Variants in ADCYAP1R1 observed in about 807,000 individuals in gnomAD.
ADCYAP1R1 encodes pituitary adenylate cyclase-activating polypeptide type I receptor.
In ADCYAP1R1, 44 loss-of-function variants were observed where a neutral mutation model predicts 67.6. The observed-to-expected ratio is 0.65, with a 90% CI of 0.51 to 0.84. The LOEUF (loss-of-function observed/expected upper bound fraction) is 0.84. Among genes scored for constraint, ADCYAP1R1 ranks in the 40% least tolerant of loss-of-function variants. The pLI is 0.00. For synonymous variants in ADCYAP1R1, 222 were observed against 219.6 expected, an observed-to-expected ratio of 1.01 and a Z score of -0.10; for missense variants, 477 against 587.9, an observed-to-expected ratio of 0.81 and a Z score of 1.95.
intron 4 of ADCYAP1R1, among the ~76,000 whole-genome samples, chr7:31,079,272 G>A (rs1303476701): frequency 6.6e-6 from 1 of 152,214 alleles, no homozygotes; most frequent in Non-Finnish European, 1.5e-5. Context: ...GAGTGTCACA[G>A]GAGGCAGGGT....
At chr7:31,077,179 C>T (rs1355648033) in intron 3 of ADCYAP1R1, among the ~76,000 whole-genome samples, 4 of 152,242 alleles carry the variant, frequency 2.6e-5, no homozygotes, top group African/African-American at 9.6e-5. Flanking sequence ...CTCCCGGCCC[C>T]CTGCAAGGGC....
Position 31,065,730 on chromosome 7 carries a change from G to A in ADCYAP1R1, c.157+794G>A, listed in dbSNP as rs567044535. 7.9e-5 allele frequency among the ~76,000 whole-genome samples: 12 copies of A among 152,248 alleles called. No homozygotes were observed. In the South Asian group the frequency reaches 1.9e-3, roughly 24 times the overall value. On this transcript the variant is annotated intron_variant, in intron 3 of 15. Transcript: ENST00000304166. ...GGGAAGTTGGGGATTTAGGGGAGGG[G>A]GCATCACAGAGGCCTCTCCAACCTC...
intron 12 of ADCYAP1R1, among the ~76,000 whole-genome samples, chr7:31,088,324 T>C (rs1212842340): frequency 6.6e-6 from 1 of 152,260 alleles, no homozygotes; most frequent in Non-Finnish European, 1.5e-5. Context: ...ATGTTGTGTA[T>C]GTTGCAAGTA....
chr7:31,065,865 C>T lies in ADCYAP1R1; in HGVS notation c.157+929C>T, dbSNP rs553552639. Among the ~76,000 whole-genome samples, 3 of 152,342 alleles carry T rather than the reference C, an allele frequency of 2.0e-5. No homozygotes were observed. The East Asian group carries it at 5.8e-4, about 29-fold the overall frequency. ...TCTGGATCCTCCTGGCTCCTCTGAG[C>T]ACCATGTATTTAAGCACTTGACTAA... is the stretch of plus-strand genomic sequence containing the variant. On this transcript the variant is annotated intron_variant, in intron 3 of 15. Coordinates refer to ENST00000304166, the MANE Select transcript of ADCYAP1R1 (RefSeq NM_001118.5).
At chr7:31,097,296 G>A (rs746338739) in intron 13 of ADCYAP1R1, among the ~76,000 whole-genome samples, 3 of 152,180 alleles carry the variant, frequency 2.0e-5, no homozygotes, top group Admixed American at 6.5e-5. Context: ...AGAATTTACC[G>A]CATCAGTCAG....
At chr7:31,084,066 A>G (rs1795630943) in intron 6 of ADCYAP1R1, 75 bp from the exon 7 acceptor site, 1 of 1,294,724 alleles carries the variant, frequency 7.7e-7, no homozygotes, top group East Asian at 2.3e-5. Context: ...CCCACTGAAT[A>G]CGTAATTTTT....
At chr7:31,099,722 G>A (rs541215960) in intron 13 of ADCYAP1R1, among the ~76,000 whole-genome samples, 2 of 152,238 alleles carry the variant, frequency 1.3e-5, no homozygotes, top group Non-Finnish European at 2.9e-5. Context: ...AAGATCGGCA[G>A]TGTGAGTTTC....
chr7:31,078,713 G>A (rs1795387914), intron 4 of ADCYAP1R1, among the ~76,000 whole-genome samples: 1 of 152,220 alleles, frequency 6.6e-6, no homozygotes, highest in Admixed American at 6.5e-5. Context: ...GCTCAGCAGA[G>A]CATTTTCTGG....
At chr7:31,076,288 G>A (rs370882515) in intron 3 of ADCYAP1R1, among the ~76,000 whole-genome samples, 3 of 152,180 alleles carry the variant, frequency 2.0e-5, no homozygotes, top group Admixed American at 6.5e-5. Context: ...TGAAGAGGTC[G>A]CTGGTGACCT....
chr7:31,077,949 G>A (rs760287760), intron 3 of ADCYAP1R1, 42 bp from the exon 4 acceptor site: 3 of 1,396,862 alleles, frequency 2.1e-6, no homozygotes, highest in East Asian at 2.3e-5. Flanking sequence ...GTGTATGGGT[G>A]TGTGTGGCTG....
rs1300012993 is a variant in ADCYAP1R1 at position 31,102,624 on chromosome 7, G to T, written c.1047-613G>T. 6.6e-6 allele frequency among the ~76,000 whole-genome samples: 1 copy of T among 152,140 alleles called. No homozygotes were observed. The highest frequency in any genetic ancestry group is 1.5e-5 in the Non-Finnish European group (1 of 68,022). On this transcript the variant is annotated intron_variant, in intron 13 of 15. Transcript: ENST00000304166. This position sits in a 1 kb window ranked among gnomAD's most constrained non-coding sequence, Gnocchi z 4.3. ...CTTTGACTCAGTTTCCCAGCAGGAG[G>T]TTCCTCCTGCCCAGTTGGAGATTGC...
In ADCYAP1R1 at chr7:31,093,335, C is replaced by T. The variant is rs73078043; in HGVS notation, c.1046+600C>T. ...TAATTGGTTGGGGATTATTGGGTTA[C>T]AGGGCAGCCTCTTACCATAGAGCGT... On this transcript the variant is annotated intron_variant, in intron 13 of 15. Transcript: ENST00000304166. Among the ~76,000 whole-genome samples, 1,110 of 152,018 alleles carry T rather than the reference C, an allele frequency of 7.3e-3. 5 individuals carry two copies. Among genetic ancestry groups the T allele is most frequent in the Non-Finnish European group, 0.012 (800 of 67,808 alleles).
intron 11 of ADCYAP1R1, 138 bp downstream of exon 11, chr7:31,087,141 G>C: frequency 9.9e-7 from 1 of 1,009,414 alleles, no homozygotes; most frequent in Non-Finnish European, 1.5e-6. Flanking sequence ...CCCAGCACTG[G>C]GCACCACCTG....
rs552463888 is a variant in ADCYAP1R1 at position 31,110,054 on chromosome 7, C to T, written c.*3370C>T. 1 of 151,932 alleles carries T rather than the reference C, an allele frequency of 6.6e-6. No homozygotes were observed. The highest frequency in any genetic ancestry group is 6.6e-5 in the Admixed American group (1 of 15,266). 9.4% of individuals were successfully genotyped at this position (151,932 alleles called of 1,614,324 possible). A position where few individuals can be genotyped will look rare whatever the true frequency, so the allele number is the denominator to read the frequency against. Reference sequence around the variant, plus strand: ...TTGAGAGACACCTGCATCTATAATCCCCGCCAAGGATGCCCACTCACCTCT... The same window carrying T: ...TTGAGAGACACCTGCATCTATAATCTCCGCCAAGGATGCCCACTCACCTCT... On this transcript the variant is annotated 3_prime_UTR_variant, in exon 16 of 16. Transcript: ENST00000304166.
chr7:31,078,290 G>A (rs1004999832), intron 4 of ADCYAP1R1, among the ~76,000 whole-genome samples, 192 bp downstream of exon 4: 3 of 152,044 alleles, frequency 2.0e-5, no homozygotes, highest in African/African-American at 4.8e-5. Context: ...GGGAACCATC[G>A]TTGTGGATGA....
Position 31,052,531 on chromosome 7 carries a change from C to G in ADCYAP1R1, c.-219C>G, listed in dbSNP as rs1306782632. On this transcript the variant is annotated 5_prime_UTR_variant, in exon 1 of 16. Coordinates refer to ENST00000304166, the MANE Select transcript of ADCYAP1R1 (RefSeq NM_001118.5). Reference sequence around the variant, plus strand: ...GGACACACGGACCCCGGCCGCCAGCCGGCCACACAGGCGCGGAGACCCGGC... The same window carrying G: ...GGACACACGGACCCCGGCCGCCAGCGGGCCACACAGGCGCGGAGACCCGGC... 6.6e-6 allele frequency: 1 copy of G among 150,534 alleles called. No homozygotes were observed. The highest frequency in any genetic ancestry group is 1.5e-5 in the Non-Finnish European group (1 of 67,566). The allele number at this position is 150,534 out of a possible 1,614,324, so 9.3% of individuals were successfully genotyped here.
chr7:31,090,645 C>T (rs977046015), intron 12 of ADCYAP1R1, among the ~76,000 whole-genome samples: 2 of 152,192 alleles, frequency 1.3e-5, no homozygotes, highest in African/African-American at 4.8e-5. Flanking sequence ...GTTTAGCTCC[C>T]ACGTCTAAGT....
At chr7:31,058,654 T>G (rs532262450) in intron 1 of ADCYAP1R1, among the ~76,000 whole-genome samples, 1 of 152,308 alleles carries the variant, frequency 6.6e-6, no homozygotes, top group African/African-American at 2.4e-5. Flanking sequence ...TGTCTGTAAC[T>G]AACTCTTCCT....
rs182974633 is a variant in ADCYAP1R1, at chr7:31,087,710, G to A, written c.954+14G>A. 2 of 1,609,968 alleles carry A rather than the reference G, an allele frequency of 1.2e-6. No individual in the cohort carries two copies. The highest frequency in any genetic ancestry group is 1.7e-6 in the Non-Finnish European group (2 of 1,177,420). ...GGCTCTATCATGGTGAGTGTCCTTG[G>A]GATGAAGAGGAAGGGAAGAGACAGG... On this transcript the variant is annotated intron_variant, in intron 12 of 15. Coordinates refer to ENST00000304166, the MANE Select transcript of ADCYAP1R1 (RefSeq NM_001118.5).
Sources: gnomAD v4.1 joint callset for allele counts (sites outside exome capture counted in the v4.1 genomes callset) on GRCh38, gnomAD v4.1.1 for gene constraint, Gnocchi (gnomAD v3.1) non-coding constraint, MANE v1.5 for transcripts, NCBI Gene and HGNC (gene_info 2026-07-23, HGNC 2026-07-21) for gene names.